Variants in FOCAD observed in about 807,000 individuals in gnomAD.
The protein encoded by FOCAD is KIAA1797.
FOCAD carries 198 observed loss-of-function variants against 225.6 expected under a neutral mutation model. The observed-to-expected ratio is 0.88, with a 90% CI of 0.78 to 0.99. The LOEUF is 0.99. FOCAD is among the 50% of genes least tolerant of loss of function. The pLI is 0.00. For missense variants in FOCAD, 2,713 were observed against 2,123.6 expected, an observed-to-expected ratio of 1.28 and a Z score of -5.46; for synonymous variants, 897 against 755.0, an observed-to-expected ratio of 1.19 and a Z score of -3.08.
At chr9:20,750,766 C>G (rs953856559) in intron 5 of FOCAD, among the ~76,000 whole-genome samples, 5 of 152,074 alleles carry the variant, frequency 3.3e-5, no homozygotes, top group Non-Finnish European at 5.9e-5. Context: ...TATCTCTGAG[C>G]TAAAAATAGA....
At chr9:20,680,158 A>C (rs1316617455), upstream of FOCAD, among the ~76,000 whole-genome samples, 1 of 152,360 alleles carries the variant, frequency 6.6e-6, no homozygotes, top group South Asian at 2.1e-4. Context: ...AGTTAACGTG[A>C]TTAATTAGGC....
At chr9:20,793,824 A>G (rs572168076) in intron 11 of FOCAD, among the ~76,000 whole-genome samples, 3 of 152,200 alleles carry the variant, frequency 2.0e-5, no homozygotes, top group Non-Finnish European at 2.9e-5. Context: ...GAATTTCATA[A>G]TAGGTAGGAG....
chr9:20,790,600 T>C (rs1248820215), intron 11 of FOCAD, among the ~76,000 whole-genome samples: 17 of 152,040 alleles, frequency 1.1e-4, no homozygotes, highest in Admixed American at 9.8e-4. Flanking sequence ...GGCGAAACCT[T>C]GTTTCTACTA....
intron 22 of FOCAD, among the ~76,000 whole-genome samples, chr9:20,912,354 C>G (rs1833506094): frequency 6.6e-6 from 1 of 151,950 alleles, no homozygotes; most frequent in Admixed American, 6.6e-5. Flanking sequence ...ATTATGGTAC[C>G]TATTTTTATA....
intron 11 of FOCAD, among the ~76,000 whole-genome samples, chr9:20,816,726 C>A (rs1383314144): frequency 6.6e-6 from 1 of 151,848 alleles, no homozygotes; most frequent in Admixed American, 6.6e-5. Flanking sequence ...ATACAGTGGG[C>A]CCTTGATATT....
chr9:20,706,648 C>A (rs1824413124), intron 1 of FOCAD, among the ~76,000 whole-genome samples: 1 of 152,172 alleles, frequency 6.6e-6, no homozygotes, highest in East Asian at 1.9e-4. Flanking sequence ...GTTGCTTTAA[C>A]CTCTCTGACA....
intron 8 of FOCAD, among the ~76,000 whole-genome samples, chr9:20,773,820 G>C (rs1404446946): frequency 6.6e-6 from 1 of 152,124 alleles, no homozygotes; most frequent in Non-Finnish European, 1.5e-5. Flanking sequence ...GTGAGCTGGA[G>C]AGTTTCCTAT....
At chr9:20,794,034 C>G (rs78409996) in intron 11 of FOCAD, among the ~76,000 whole-genome samples, 3,801 of 152,182 alleles carry the variant, frequency 0.025, 155 homozygotes, top group African/African-American at 0.087. Flanking sequence ...AAATCAAAGG[C>G]CAGTCTTATT....
At chr9:20,952,560 T>C in intron 34 of FOCAD, 1 of 197,366 alleles carries the variant, frequency 5.1e-6, no homozygotes, top group Non-Finnish European at 1.0e-5. Context: ...ATTTCTATGG[T>C]TCATATATTC....
chr9:20,832,382 C>G (rs969728801), intron 15 of FOCAD, among the ~76,000 whole-genome samples: 1 of 151,684 alleles, frequency 6.6e-6, no homozygotes, highest in African/African-American at 2.4e-5. Context: ...TTAGCTGTTA[C>G]CTTCATTCTT....
chr9:20,682,254 C>G (rs1250564109), upstream of FOCAD, among the ~76,000 whole-genome samples: 1 of 152,170 alleles, frequency 6.6e-6, no homozygotes, highest in East Asian at 1.9e-4. Flanking sequence ...GTTATAGCAG[C>G]CTGAACATAA....
intron 26 of FOCAD, among the ~76,000 whole-genome samples, chr9:20,926,794 AAAAG>A (rs1326880325): frequency 1.3e-5 from 2 of 151,752 alleles, no homozygotes; most frequent in South Asian, 2.1e-4. Context: ...AAAAAAAAAA[AAAAG>A]AAAAAGAAAA....
chr9:20,930,951 C>T (rs1173854084), intron 27 of FOCAD, among the ~76,000 whole-genome samples: 1 of 152,110 alleles, frequency 6.6e-6, no homozygotes, highest in Admixed American at 6.5e-5. Context: ...GTCTCTCCAC[C>T]ATCTGTGTTC....
At chr9:20,835,357 AT>A (rs1225679852) in intron 15 of FOCAD, among the ~76,000 whole-genome samples, 1 of 152,038 alleles carries the variant, frequency 6.6e-6, no homozygotes, top group East Asian at 1.9e-4. Context: ...TAACATGGAG[AT>A]TTGGAGATAT....
intron 19 of FOCAD, among the ~76,000 whole-genome samples, chr9:20,876,579 G>C (rs1260522593): frequency 6.6e-6 from 1 of 152,172 alleles, no homozygotes; most frequent in Non-Finnish European, 1.5e-5. Flanking sequence ...GGGAAGAGTT[G>C]AGATCGACAA....
intron 1 of FOCAD, among the ~76,000 whole-genome samples, chr9:20,695,740 A>G (rs920641161): frequency 3.9e-5 from 6 of 152,332 alleles, no homozygotes; most frequent in African/African-American, 1.2e-4. Context: ...GCTATGTGGG[A>G]TAAGTATGGC....
intron 20 of FOCAD, among the ~76,000 whole-genome samples, chr9:20,884,471 GT>G (rs1830939951): frequency 1.3e-5 from 2 of 151,542 alleles, no homozygotes; most frequent in Non-Finnish European, 2.9e-5. Context: ...TAATTTTTGC[GT>G]TTTTAGTAGA....
chr9:20,743,157 A>T (rs1440758614), intron 5 of FOCAD, among the ~76,000 whole-genome samples: 1 of 152,216 alleles, frequency 6.6e-6, no homozygotes, highest in African/African-American at 2.4e-5. Context: ...TTGGTTAGCA[A>T]TATCATCCAG....
intron 15 of FOCAD, among the ~76,000 whole-genome samples, chr9:20,849,324 A>C (rs945007689): frequency 2.0e-5 from 3 of 151,068 alleles, no homozygotes; most frequent in Non-Finnish European, 4.4e-5. Flanking sequence ...TTGGAAATCA[A>C]CCATCTATCC....
Sources: gnomAD v4.1 joint callset for allele counts (sites outside exome capture counted in the v4.1 genomes callset) on GRCh38, gnomAD v4.1.1 for gene constraint, MANE v1.5 for transcripts, NCBI Gene and HGNC (gene_info 2026-07-23, HGNC 2026-07-21) for gene names.